UBE4B: variants seen among roughly 807,000 people sequenced by gnomAD.
The protein encoded by UBE4B is ubiquitination factor E4B, also known as ubiquitin conjugation factor E4 B.
A neutral mutation model predicts 148.1 loss-of-function variants in UBE4B; 27 were observed. That is an observed-to-expected ratio of 0.18 (90% CI 0.13 to 0.25). UBE4B has a LOEUF of 0.25. UBE4B is among the 10% of genes least tolerant of loss of function. The pLI is 1.00. For synonymous variants in UBE4B, 596 were observed against 619.3 expected, an observed-to-expected ratio of 0.96 and a Z score of 0.56; for missense variants, 1,170 against 1,662.4, an observed-to-expected ratio of 0.70 and a Z score of 5.15.
rs1280496053 is a variant in UBE4B, at chr1:10,072,210, A to C, written c.207A>C (p.Ala69=). ...NMTPATSPIG[A]SGVAHRSQSS... is the part of the protein sequence containing the mutation. ...CCCCAGCTACCTCCCCAATAGGTGC[A>C]TCAGGTAAGCCCAAGCTTCATACCT... Residue 69 remains alanine (A), a synonymous_variant, in exon 2 of 28, where the codon GCA becomes GCC. Transcript: ENST00000343090. 2.5e-6 allele frequency: 4 copies of C among 1,612,366 alleles called. No individual in the cohort carries two copies. Among genetic ancestry groups the C allele is most frequent in the Non-Finnish European group, 3.4e-6 (4 of 1,179,668 alleles).
At chr1:10,051,741 A>G (rs1644049836) in intron 1 of UBE4B, among the ~76,000 whole-genome samples, 1 of 152,220 alleles carries the variant, frequency 6.6e-6, no homozygotes, top group Non-Finnish European at 1.5e-5. Context: ...TGTTCTGCAT[A>G]TCAGGACTAA....
Position 10,175,617 on chromosome 1 carries a change from C to T in UBE4B, c.3526-3027C>T, listed in dbSNP as rs565567142. Among the ~76,000 whole-genome samples, 7 of 152,080 alleles carry T rather than the reference C, an allele frequency of 4.6e-5. No homozygotes were observed. The East Asian group carries it at 5.8e-4, about 13-fold the overall frequency. ...AGTGAGCCGAGATCGCGCCACTGCA[C>T]TCCAGCCTGGGCGACAGAGCGAGAC... On this transcript the variant is annotated intron_variant, in intron 25 of 27. Transcript: ENST00000343090.
chr1:10,101,618 C>T (rs1355076702), intron 4 of UBE4B, among the ~76,000 whole-genome samples: 2 of 148,758 alleles, frequency 1.3e-5, no homozygotes, highest in Non-Finnish European at 1.5e-5. Flanking sequence ...ACACCATTCT[C>T]CTGCCTCAGC....
Position 10,056,470 on chromosome 1 carries a change from T to C in UBE4B, c.25-15558T>C, listed in dbSNP as rs184043763. Among the ~76,000 whole-genome samples the C allele has an allele frequency of 6.3e-4, 96 of 152,372 alleles. No homozygotes were observed. The East Asian group carries it at 6.7e-3, about 11-fold the overall frequency. ...GGGAGTTAGGTACTGTCATAGTTGC[T>C]GGGAATACAGCGGTGAATAAACTAG... On this transcript the variant is annotated intron_variant, in intron 1 of 27. Transcript: ENST00000343090.
intron 1 of UBE4B, among the ~76,000 whole-genome samples, chr1:10,052,003 T>G (rs1410125897): frequency 1.3e-5 from 2 of 152,204 alleles, no homozygotes; most frequent in African/African-American, 4.8e-5. Context: ...CATGACACAT[T>G]CAATGCATAT....
intron 1 of UBE4B, among the ~76,000 whole-genome samples, chr1:10,050,675 C>CATGA (rs1644017428): frequency 6.6e-6 from 1 of 151,622 alleles, no homozygotes; most frequent in South Asian, 2.1e-4. Flanking sequence ...TTGTTCAATG[C>CATGA]ATGAATGAAT....
chr1:10,076,697 G>C (rs191787729), intron 2 of UBE4B, among the ~76,000 whole-genome samples: 1 of 151,732 alleles, frequency 6.6e-6, no homozygotes, highest in African/African-American at 2.4e-5. Flanking sequence ...AAGCTGTAGG[G>C]GGTCCTTCCA....
intron 1 of UBE4B, among the ~76,000 whole-genome samples, chr1:10,036,846 C>T (rs116581180): frequency 2.0e-5 from 3 of 152,042 alleles, no homozygotes; most frequent in African/African-American, 4.8e-5. Context: ...ACAGGCAAGG[C>T]GGTGATCTTT....
Position 10,179,924 on chromosome 1 carries a change from T to A in UBE4B, c.3877T>A (p.Trp1293Arg). Reference sequence around the variant, plus strand: ...AGAACTGAAAGAGCAGATTCAGGCGTGGATGAGAGAGAAACAGAACAGCGA... The same window carrying A: ...AGAACTGAAAGAGCAGATTCAGGCGAGGATGAGAGAGAAACAGAACAGCGA... Reference protein sequence around the residue: ...VPELKEQIQAWMREKQNSDH With the variant: ...VPELKEQIQARMREKQNSDH The change falls in exon 28 of 28, where the codon TGG becomes AGG. Residue 1293 changes from tryptophan (W) to arginine (R), a missense_variant. Coordinates refer to ENST00000343090, the MANE Select transcript of UBE4B (RefSeq NM_001105562.3). 6.2e-7 allele frequency: 1 copy of A among 1,613,954 alleles called. No homozygotes were observed. Among genetic ancestry groups the A allele is most frequent in the Non-Finnish European group, 8.5e-7 (1 of 1,180,004 alleles).
At chr1:10,120,720 C>A (rs1645396271) in intron 9 of UBE4B, among the ~76,000 whole-genome samples, 1 of 151,802 alleles carries the variant, frequency 6.6e-6, no homozygotes, top group Non-Finnish European at 1.5e-5. Context: ...CACCTGTAAT[C>A]CCAACTACTG....
chr1:10,041,431 T>C (rs1182757566), intron 1 of UBE4B, among the ~76,000 whole-genome samples: 1 of 150,296 alleles, frequency 6.7e-6, no homozygotes, highest in African/African-American at 2.5e-5. Context: ...GCCTCCTGGG[T>C]TCAAGCAATT....
intron 2 of UBE4B, among the ~76,000 whole-genome samples, chr1:10,086,041 C>T (rs973286276): frequency 1.6e-4 from 24 of 151,788 alleles, no homozygotes; most frequent in African/African-American, 4.4e-4. Flanking sequence ...GCACAATCTC[C>T]GCTTACTGCA....
rs113766750 is a variant in UBE4B, at chr1:10,089,503, G to GA, written c.212-5944dup. 2.4e-3 allele frequency among the ~76,000 whole-genome samples: 323 copies of GA among 134,328 alleles called. 2 individuals carry two copies. Among genetic ancestry groups the GA allele is most frequent in the South Asian group, 0.012 (52 of 4,308 alleles). The allele number at this position is 134,328 out of a possible 152,430, so 88.1% of individuals were successfully genotyped here. A position where few individuals can be genotyped will look rare whatever the true frequency, so the allele number is the denominator to read the frequency against. On this transcript the variant is annotated intron_variant, in intron 2 of 27. Coordinates refer to ENST00000343090, the MANE Select transcript of UBE4B (RefSeq NM_001105562.3). ...CAGGTATCACTGAGAACATGTCTCT[G>GA]AAAAAAAAAAAAAAGTTTTCAGGGG...
intron 1 of UBE4B, among the ~76,000 whole-genome samples, chr1:10,036,082 CT>C (rs112866835): frequency 0.18 from 24,389 of 136,330 alleles, 3,369 homozygotes; most frequent in African/African-American, 0.4. Flanking sequence ...CTATAAATTA[CT>C]TTTTTTTTTT....
intron 10 of UBE4B, among the ~76,000 whole-genome samples, chr1:10,123,288 G>T (rs996010985): frequency 6.6e-6 from 1 of 151,896 alleles, no homozygotes; most frequent in Non-Finnish European, 1.5e-5. Context: ...AAAATTAACT[G>T]GGTGTGGTGA....
chr1:10,082,720 A>G (rs982006647), intron 2 of UBE4B, among the ~76,000 whole-genome samples: 3 of 142,370 alleles, frequency 2.1e-5, no homozygotes, highest in South Asian at 2.2e-4. Context: ...CACATGTGCC[A>G]TGGTGGTTTG....
intron 25 of UBE4B, among the ~76,000 whole-genome samples, chr1:10,173,479 C>CAA (rs551633759): frequency 3.2e-5 from 4 of 124,256 alleles, no homozygotes; most frequent in African/African-American, 5.8e-5. Context: ...AAGACTGTCT[C>CAA]AAAAAAAAAA....
intron 1 of UBE4B, among the ~76,000 whole-genome samples, chr1:10,038,935 C>G (rs1176966560): frequency 6.6e-6 from 1 of 152,024 alleles, no homozygotes; most frequent in Non-Finnish European, 1.5e-5. Flanking sequence ...TGGTACGCAC[C>G]TGTAATCCCA....
intron 2 of UBE4B, among the ~76,000 whole-genome samples, chr1:10,092,435 G>T (rs1387926357): frequency 5.3e-5 from 8 of 151,808 alleles, no homozygotes; most frequent in African/African-American, 1.9e-4. Context: ...ATATTGGCCA[G>T]GCTGGTCTCG....
Sources: gnomAD v4.1 joint callset for allele counts (sites outside exome capture counted in the v4.1 genomes callset) on GRCh38, gnomAD v4.1.1 for gene constraint, MANE v1.5 for transcripts, NCBI Gene and HGNC (gene_info 2026-07-23, HGNC 2026-07-21) for gene names.